CNTNAP3: variants seen among roughly 807,000 people sequenced by gnomAD.
CNTNAP3 encodes contactin associated protein family member 3, also known as contactin-associated protein-like 3.
Under a neutral mutation model 92.1 loss-of-function variants are expected in CNTNAP3, and 36 were observed. The ratio of observed to expected loss-of-function variants is 0.39; its 90% CI spans 0.30 to 0.52. The LOEUF is 0.52. Among genes scored for constraint, CNTNAP3 ranks in the 20% least tolerant of loss-of-function variants. The pLI, the probability that CNTNAP3 is intolerant of heterozygous loss-of-function variation, is 0.76. For synonymous variants in CNTNAP3, 232 were observed against 422.3 expected (o/e 0.55, Z 5.53); for missense variants, 534 against 1,069.6 (o/e 0.50, Z 6.98).
At chr9:39,099,617 G>C (rs1269149202) in intron 18 of CNTNAP3, among the ~76,000 whole-genome samples, 1 of 152,120 alleles carries the variant, frequency 6.6e-6, no homozygotes, top group Non-Finnish European at 1.5e-5. Flanking sequence ...AATTAGAACA[G>C]TACAAGGACA....
In CNTNAP3 at chr9:39,248,813, C is replaced by T. The variant is rs1442240206; in HGVS notation, c.197-9627G>A. On this transcript the variant is annotated intron_variant, in intron 2 of 23. Transcript: ENST00000297668. ...TTCGCCATGTTGGCCAGGCTGGTCTCGAACTCCTGACCTCAAATAATCCAC... is the reference window on the plus strand; with the variant it reads ...TTCGCCATGTTGGCCAGGCTGGTCTTGAACTCCTGACCTCAAATAATCCAC... 7.3e-4 allele frequency among the ~76,000 whole-genome samples: 6 copies of T among 8,168 alleles called. 2 individuals carry two copies. Among genetic ancestry groups the T allele is most frequent in the African/African-American group, 7.8e-4 (6 of 7,650 alleles). The allele number at this position is 8,168 out of a possible 152,430, so 5.4% of individuals were successfully genotyped here. A position where few individuals can be genotyped will look rare whatever the true frequency, so the allele number is the denominator to read the frequency against.
At chr9:39,105,359 G>A (rs1283534243) in intron 15 of CNTNAP3, among the ~76,000 whole-genome samples, 3 of 152,136 alleles carry the variant, frequency 2.0e-5, no homozygotes, top group East Asian at 1.9e-4. Flanking sequence ...CCCGGGAGGC[G>A]GAGCTTGCAG....
intron 13 of CNTNAP3, among the ~76,000 whole-genome samples, chr9:39,132,263 G>A (rs1386219621): frequency 6.6e-6 from 1 of 152,168 alleles, no homozygotes; most frequent in Non-Finnish European, 1.5e-5. Flanking sequence ...GAGTCCTGCA[G>A]GGGACTTGTG....
At chr9:39,074,961 G>C (rs1160266892) in intron 23 of CNTNAP3, among the ~76,000 whole-genome samples, 1 of 152,286 alleles carries the variant, frequency 6.6e-6, no homozygotes, top group African/African-American at 2.4e-5. Flanking sequence ...GTAGAGACGG[G>C]GTTTCACCGT....
rs566136348 is a variant in CNTNAP3 at position 39,120,542 on chromosome 9, A to T, written c.2081-2283T>A. On this transcript the variant is annotated intron_variant, in intron 13 of 23. Coordinates refer to ENST00000297668, the MANE Select transcript of CNTNAP3 (RefSeq NM_033655.5). ...AAAAATAGACGAGCGTAGTGGCGGG[A>T]GCCTGTAGTCCCAGCTACTCAGGAG... 4.8e-4 allele frequency among the ~76,000 whole-genome samples: 73 copies of T among 151,874 alleles called. 1 individual carries two copies. Among genetic ancestry groups the T allele is most frequent in the Admixed American group, 4.3e-3 (66 of 15,248 alleles).
Position 39,095,496 on chromosome 9 carries a change from C to G in CNTNAP3, c.2995+4415G>C, listed in dbSNP as rs181113228. On this transcript the variant is annotated intron_variant, in intron 18 of 23. Transcript: ENST00000297668. ...ATATTGAGAAAGTTCCCTTCTATTCCTAGTTTATTGAGTGTTTTTGTTTTT... is the reference window on the plus strand; with the variant it reads ...ATATTGAGAAAGTTCCCTTCTATTCGTAGTTTATTGAGTGTTTTTGTTTTT... 5.7e-3 allele frequency among the ~76,000 whole-genome samples: 843 copies of G among 148,176 alleles called. 14 individuals are homozygous for G. The highest frequency in any genetic ancestry group is 0.02 in the African/African-American group (804 of 40,646).
rs2118314526 is a variant in CNTNAP3, at chr9:39,064,771, A to G, written c.*9119T>C. On this transcript the variant is annotated 3_prime_UTR_variant, in exon 24 of 24. Transcript: ENST00000297668. The stretch of plus-strand genomic sequence containing the variant: ...TAAGAATTTATAGAGCAATGAAAAT[A>G]CCACATTTTGACATTTGTATTGTAC... Among the ~76,000 whole-genome samples, 1 of 152,420 alleles carries G rather than the reference A, an allele frequency of 6.6e-6. No homozygotes were observed. Among genetic ancestry groups the G allele is most frequent in the Admixed American group, 6.5e-5 (1 of 15,312 alleles).
chr9:39,099,432 T>C lies in CNTNAP3; in HGVS notation c.2995+479A>G, dbSNP rs570763275. ...TATGCTTGTTTTATAAGAAAAGACA[T>C]TTCTATAAAGGCCTTTTGAATCACT... On this transcript the variant is annotated intron_variant, in intron 18 of 23. Coordinates refer to ENST00000297668, the MANE Select transcript of CNTNAP3 (RefSeq NM_033655.5). Among the ~76,000 whole-genome samples the C allele has an allele frequency of 2.0e-5, 3 of 152,270 alleles. No homozygotes were observed. The East Asian group carries it at 5.8e-4, about 29-fold the overall frequency.
intron 1 of CNTNAP3, among the ~76,000 whole-genome samples, chr9:39,285,897 T>C (rs7036383): frequency 0.62 from 33,654 of 54,168 alleles, 15,389 homozygotes; most frequent in East Asian, 0.99. Flanking sequence ...AATGTGCTTC[T>C]CGAAAACCAG....
Position 39,111,721 on chromosome 9 carries a change from T to A in CNTNAP3, c.2238-2434A>T, listed in dbSNP as rs535652824. On this transcript the variant is annotated intron_variant, in intron 14 of 23. Coordinates refer to ENST00000297668, the MANE Select transcript of CNTNAP3 (RefSeq NM_033655.5). ...TTTAATTATTTATGGAGGATGCTTG[T>A]ATTTTAAAAGATCTATTTCACGGGA... Among the ~76,000 whole-genome samples, 31 of 152,298 alleles carry A rather than the reference T, an allele frequency of 2.0e-4. No homozygotes were observed. The East Asian group carries it at 6.0e-3, about 29-fold the overall frequency.
chr9:39,148,159 T>C (rs1432680133), intron 10 of CNTNAP3, among the ~76,000 whole-genome samples: 1 of 151,864 alleles, frequency 6.6e-6, no homozygotes, highest in Non-Finnish European at 1.5e-5. Context: ...GAGCTGGTGT[T>C]GAGATATAAA....
intron 4 of CNTNAP3, among the ~76,000 whole-genome samples, chr9:39,184,156 AC>A (rs1391012337): frequency 7.0e-6 from 1 of 142,324 alleles, no homozygotes; most frequent in East Asian, 2.0e-4. Context: ...TTATCCATTT[AC>A]CTGCTGATAG....
intron 13 of CNTNAP3, among the ~76,000 whole-genome samples, chr9:39,121,690 G>A (rs1383275285): frequency 4.0e-4 from 60 of 151,052 alleles, no homozygotes; most frequent in Middle Eastern, 3.5e-3. Context: ...TGGGGGATAG[G>A]CCTTAGAGGG....
chr9:39,091,171 C>CTTTTTTTTTT (rs201329360), intron 18 of CNTNAP3, among the ~76,000 whole-genome samples: 219 of 127,926 alleles, frequency 1.7e-3, no homozygotes, highest in Middle Eastern at 4.0e-3. Context: ...TTTTCTTCTT[C>CTTTTTTTTTT]TTTTTTTTTT....
At chr9:39,077,927 C>A (rs961619532) in intron 23 of CNTNAP3, among the ~76,000 whole-genome samples, 1 of 152,090 alleles carries the variant, frequency 6.6e-6, no homozygotes, top group Non-Finnish European at 1.5e-5. Context: ...CAACGAAGGC[C>A]GGGCATGGTG....
At chr9:39,109,707 T>C (rs1826696278) in intron 14 of CNTNAP3, among the ~76,000 whole-genome samples, 1 of 152,176 alleles carries the variant, frequency 6.6e-6, no homozygotes, top group African/African-American at 2.4e-5. Context: ...CTCACTGCCA[T>C]GCAAAAATAG....
chr9:39,077,197 G>T (rs1478752187), intron 23 of CNTNAP3, among the ~76,000 whole-genome samples: 3 of 152,128 alleles, frequency 2.0e-5, no homozygotes, highest in Non-Finnish European at 4.4e-5. Context: ...GGCTACTGCT[G>T]CACAACATTG....
intron 23 of CNTNAP3, among the ~76,000 whole-genome samples, chr9:39,076,484 A>T (rs1825766905): frequency 6.6e-6 from 1 of 152,222 alleles, no homozygotes; most frequent in African/African-American, 2.4e-5. Flanking sequence ...ATGTATTTTT[A>T]ATTTACACCT....
chr9:39,159,653 T>C (rs527541738), intron 9 of CNTNAP3: 2 of 141,522 alleles, frequency 1.4e-5, no homozygotes, highest in Admixed American at 6.9e-5. Context: ...GATAGATAGA[T>C]AGATAGATAG....
Sources: allele counts gnomAD v4.1 joint callset (sites outside exome capture counted in the v4.1 genomes callset), GRCh38; gene constraint gnomAD v4.1.1; transcripts MANE v1.5; gene names NCBI Gene and HGNC (gene_info 2026-07-23, HGNC 2026-07-21).